The following CNTNAP3B variants were observed in gnomAD, a reference collection of about 807,000 sequenced individuals.
CNTNAP3B encodes the protein contactin associated protein family member 3B.
A neutral mutation model predicts 108.9 loss-of-function variants in CNTNAP3B; 25 were observed. That is an observed-to-expected ratio of 0.23 (90% CI 0.17 to 0.32). The LOEUF is 0.32. Ranked by LOEUF, CNTNAP3B falls within the 10% of genes least tolerant of loss-of-function variation. The pLI, the probability that CNTNAP3B is intolerant of heterozygous loss-of-function variation, is 1.00. For missense variants in CNTNAP3B, 252 were observed against 1,210.4 expected (o/e 0.21, Z 11.75); for synonymous variants, 103 against 473.4 (o/e 0.22, Z 10.16).
At chr9:41,976,949 C>T (rs1825528032) in intron 9 of CNTNAP3B, among the ~76,000 whole-genome samples, 1 of 142,152 alleles carries the variant, frequency 7.0e-6, no homozygotes, top group Non-Finnish European at 1.5e-5. Context: ...AAACACCACC[C>T]CCCTAAATTT....
At chr9:41,932,963 C>CA (rs1428822394) in intron 14 of CNTNAP3B, among the ~76,000 whole-genome samples, 2 of 152,308 alleles carry the variant, frequency 1.3e-5, no homozygotes, top group Non-Finnish European at 2.9e-5. Flanking sequence ...TTAATTACTA[C>CA]AGCAATACAG....
At chr9:42,097,115 TG>T (rs1827917205) in intron 2 of CNTNAP3B, among the ~76,000 whole-genome samples, 1 of 139,868 alleles carries the variant, frequency 7.1e-6, no homozygotes, top group South Asian at 2.3e-4. Context: ...ATCCAATATC[TG>T]CTTCTCTTTC....
chr9:41,968,311 G>A (rs894642145), intron 10 of CNTNAP3B, among the ~76,000 whole-genome samples: 1 of 142,226 alleles, frequency 7.0e-6, no homozygotes, highest in African/African-American at 2.8e-5. Context: ...CCTTAACTCA[G>A]AGAGAGATGA....
chr9:42,063,898 TACTAA>T (rs1294379846), intron 3 of CNTNAP3B, among the ~76,000 whole-genome samples: 1 of 150,392 alleles, frequency 6.6e-6, no homozygotes, highest in Non-Finnish European at 1.5e-5. Flanking sequence ...ATTGTTTCTT[TACTAA>T]ACTTTCTAGA....
chr9:41,947,363 A>T (rs1824558001), intron 13 of CNTNAP3B, among the ~76,000 whole-genome samples: 1 of 152,262 alleles, frequency 6.6e-6, no homozygotes, highest in African/African-American at 2.4e-5. Context: ...CCAGAAAGAG[A>T]AAAAGAAAAT....
Position 42,098,990 on chromosome 9 carries a change from G to T in CNTNAP3B, c.196+5639C>A, listed in dbSNP as rs1189338248. 2.9e-5 allele frequency among the ~76,000 whole-genome samples: 4 copies of T among 137,258 alleles called. 1 individual carries two copies. The highest frequency in any genetic ancestry group is 3.5e-3 in the Middle Eastern group (1 of 286). 90.0% of individuals were successfully genotyped at this position (137,258 alleles called of 152,430 possible). A position where few individuals can be genotyped will look rare whatever the true frequency, so the allele number is the denominator to read the frequency against. ...CTGGTGCACCCAGAGTCGTGGCTAG[G>T]TTGTGTGCAGCACAAATTCCCACCT... On this transcript the variant is annotated intron_variant, in intron 2 of 23. Coordinates refer to ENST00000377561, the MANE Select transcript of CNTNAP3B (RefSeq NM_001201380.3).
intron 3 of CNTNAP3B, among the ~76,000 whole-genome samples, chr9:42,053,704 G>C (rs1038354438): frequency 7.0e-6 from 1 of 143,684 alleles, no homozygotes; most frequent in Non-Finnish European, 1.5e-5. Flanking sequence ...AAATGGTCAT[G>C]AGAGTAAAGA....
intron 10 of CNTNAP3B, among the ~76,000 whole-genome samples, chr9:41,967,818 T>G (rs1332383975): frequency 1.3e-5 from 2 of 152,282 alleles, no homozygotes; most frequent in African/African-American, 4.8e-5. Context: ...TAGCCTTTAT[T>G]TGTAGCCCTA....
At position 42,086,379 on chromosome 9, in the gene CNTNAP3B, AATATATAT is replaced by A. The variant is rs570448707; in HGVS notation, c.197-9325_197-9318del. Reference sequence around the variant, plus strand: ...ATCTACTATGAATAATGTTGCTATGAATATATATATATATATAAATTTTTTTTACATTT... The same window carrying A: ...ATCTACTATGAATAATGTTGCTATGAATATATATAAATTTTTTTTACATTT... On this transcript the variant is annotated intron_variant, in intron 2 of 23. Transcript: ENST00000377561. Among the ~76,000 whole-genome samples the A allele has an allele frequency of 1.6e-5, 2 of 126,198 alleles. 1 individual carries two copies. The highest frequency in any genetic ancestry group is 3.4e-5 in the Non-Finnish European group (2 of 59,612). 82.8% of individuals were successfully genotyped at this position (126,198 alleles called of 152,430 possible). A position where few individuals can be genotyped will look rare whatever the true frequency, so the allele number is the denominator to read the frequency against.
In CNTNAP3B at chr9:42,093,260, G is replaced by A. The variant is rs1217825191; in HGVS notation, c.196+11369C>T. ...CTCAGAAGGCTGAGGCAGGAGAATA[G>A]CTTGAACCCAGGAAGCGGAGGTTGC... is the stretch of plus-strand genomic sequence containing the variant. On this transcript the variant is annotated intron_variant, in intron 2 of 23. Transcript: ENST00000377561. Among the ~76,000 whole-genome samples the A allele has an allele frequency of 8.4e-5, 8 of 95,246 alleles. 3 individuals carry two copies. Among genetic ancestry groups the A allele is most frequent in the African/African-American group, 1.6e-4 (4 of 25,446 alleles). The allele number at this position is 95,246 out of a possible 152,430, so 62.5% of individuals were successfully genotyped here.
At chr9:41,964,352 T>C (rs1372630054) in intron 11 of CNTNAP3B, among the ~76,000 whole-genome samples, 186 bp downstream of exon 11, 1 of 152,268 alleles carries the variant, frequency 6.6e-6, no homozygotes. Flanking sequence ...ACCACGTATT[T>C]CTGTGCACTG....
chr9:42,097,539 C>T (rs1200106927), intron 2 of CNTNAP3B, among the ~76,000 whole-genome samples: 1 of 139,602 alleles, frequency 7.2e-6, no homozygotes, highest in Non-Finnish European at 1.5e-5. Context: ...AGGAACTTTC[C>T]AAAATTTAGT....
intron 3 of CNTNAP3B, among the ~76,000 whole-genome samples, chr9:42,022,094 C>G (rs551472183): frequency 7.3e-6 from 1 of 136,438 alleles, no homozygotes; most frequent in East Asian, 2.2e-4. Context: ...AAAATACAGA[C>G]ATAAATGATT....
intron 3 of CNTNAP3B, among the ~76,000 whole-genome samples, chr9:42,060,198 C>A (rs1827150907): frequency 7.2e-6 from 1 of 138,062 alleles, no homozygotes; most frequent in African/African-American, 2.9e-5. Context: ...CTATATTGTC[C>A]TCTTTACAAC....
intron 13 of CNTNAP3B, among the ~76,000 whole-genome samples, chr9:41,944,566 G>A (rs1277279813): frequency 6.6e-6 from 1 of 152,232 alleles, no homozygotes; most frequent in Non-Finnish European, 1.5e-5. Context: ...GAGAAGTGAG[G>A]ATATGGAATC....
Position 42,061,431 on chromosome 9 carries a change from C to T in CNTNAP3B, c.390+15438G>A, listed in dbSNP as rs556232544. On this transcript the variant is annotated intron_variant, in intron 3 of 23. Transcript: ENST00000377561. ...CTCCTGGGCTCAAGCAATTCCCCTA[C>T]CTCAGCCTCCCGAGTAGCTGGGACA... 1.6e-4 allele frequency among the ~76,000 whole-genome samples: 21 copies of T among 135,418 alleles called. No homozygotes were observed. In the South Asian group the frequency reaches 4.3e-3, roughly 28 times the overall value. 88.8% of individuals were successfully genotyped at this position (135,418 alleles called of 152,430 possible).
chr9:41,973,665 T>C (rs1825471179), intron 9 of CNTNAP3B, among the ~76,000 whole-genome samples: 1 of 137,292 alleles, frequency 7.3e-6, no homozygotes, highest in Non-Finnish European at 1.6e-5. Context: ...TGACCTTCAG[T>C]CAATCTCTAT....
chr9:42,119,653 C>T (rs1408925649), intron 1 of CNTNAP3B, among the ~76,000 whole-genome samples: 1 of 138,446 alleles, frequency 7.2e-6, no homozygotes, highest in Non-Finnish European at 1.5e-5. Flanking sequence ...CAGAACAGAG[C>T]CCTCAGAAAT....
At position 42,113,533 on chromosome 9, in the gene CNTNAP3B, A is replaced by G. The variant is rs527674865; in HGVS notation, c.86-8794T>C. Among the ~76,000 whole-genome samples, 35 of 139,686 alleles carry G rather than the reference A, an allele frequency of 2.5e-4. 5 individuals carry two copies. The South Asian group carries it at 3.0e-3, about 12-fold the overall frequency. The allele number at this position is 139,686 out of a possible 152,430, so 91.6% of individuals were successfully genotyped here. A position where few individuals can be genotyped will look rare whatever the true frequency, so the allele number is the denominator to read the frequency against. On this transcript the variant is annotated intron_variant, in intron 1 of 23. Transcript: ENST00000377561. ...CAGAAAGACATCAGACACGACACAG[A>G]AAAAAATACAACAACACAGGTGCAT...
Sources: allele counts gnomAD v4.1 joint callset (sites outside exome capture counted in the v4.1 genomes callset), GRCh38; gene constraint gnomAD v4.1.1; transcripts MANE v1.5; gene names NCBI Gene and HGNC (gene_info 2026-07-23, HGNC 2026-07-21).